Variants in ANKFN1 observed in about 807,000 individuals in gnomAD.
ANKFN1 encodes ankyrin repeat and fibronectin type-III domain-containing protein 1.
ANKFN1 carries 74 observed loss-of-function variants against 108.7 expected under a neutral mutation model. That is an observed-to-expected ratio of 0.68 (90% confidence interval 0.56 to 0.83). The LOEUF (loss-of-function observed/expected upper bound fraction) is 0.83, where lower values mean the gene tolerates loss of function less well. Among genes scored for constraint, ANKFN1 ranks in the 40% least tolerant of loss-of-function variants. The pLI, the probability that ANKFN1 is intolerant of heterozygous loss-of-function variation, is 0.00. For missense variants in ANKFN1, 1,505 were observed against 1,382.3 expected, an observed-to-expected ratio of 1.09 and a Z score of -1.41; for synonymous variants, 547 against 516.2, an observed-to-expected ratio of 1.06 and a Z score of -0.81.
chr17:56,203,932 A>G (rs1299200693), intron 1 of ANKFN1, among the ~76,000 whole-genome samples: 2 of 152,230 alleles, frequency 1.3e-5, no homozygotes, highest in African/African-American at 4.8e-5. Flanking sequence ...GAAGAGGGGC[A>G]AGAAATGGGC....
In ANKFN1 at chr17:56,313,267, G is replaced by A. The variant is rs540542696; in HGVS notation, c.54-12954G>A. 1.3e-4 allele frequency among the ~76,000 whole-genome samples: 20 copies of A among 152,240 alleles called. No individual in the cohort carries two copies. In the East Asian group the frequency reaches 3.9e-3, roughly 29 times the overall value. On this transcript the variant is annotated intron_variant, in intron 3 of 20. Transcript: ENST00000682825. ...TAAGCCAAGACCTGAGAGATGAAAGGGAGCCAGTCCCATGAAACAGGGACA... is the reference window on the plus strand; with the variant it reads ...TAAGCCAAGACCTGAGAGATGAAAGAGAGCCAGTCCCATGAAACAGGGACA...
chr17:56,302,143 C>A (rs532871159), intron 3 of ANKFN1, among the ~76,000 whole-genome samples: 13 of 152,100 alleles, frequency 8.5e-5, no homozygotes, highest in Non-Finnish European at 1.6e-4. Flanking sequence ...CTGGGGAGAC[C>A]AAGTAACTTG....
intron 8 of ANKFN1, among the ~76,000 whole-genome samples, chr17:56,399,609 A>G (rs2047689228): frequency 6.6e-6 from 1 of 151,740 alleles, no homozygotes; most frequent in Non-Finnish European, 1.5e-5. Context: ...CATATTTGTA[A>G]TCTCTTGTCC....
At chr17:56,169,551 G>T (rs948455660) in intron 1 of ANKFN1, among the ~76,000 whole-genome samples, 2 of 152,168 alleles carry the variant, frequency 1.3e-5, no homozygotes, top group African/African-American at 2.4e-5. Context: ...TTATAGGCAT[G>T]AGCAACGAAG....
intron 5 of ANKFN1, among the ~76,000 whole-genome samples, chr17:56,351,840 C>T (rs554876872): frequency 1.3e-5 from 2 of 152,252 alleles, no homozygotes; most frequent in South Asian, 2.1e-4. Flanking sequence ...GGGATTTTTG[C>T]AGGGAGTAAT....
chr17:56,401,225 G>A (rs2047751963), intron 8 of ANKFN1, among the ~76,000 whole-genome samples: 1 of 152,036 alleles, frequency 6.6e-6, no homozygotes, highest in Non-Finnish European at 1.5e-5. Context: ...ATGAGCATGG[G>A]ATGTGTTTTC....
intron 4 of ANKFN1, among the ~76,000 whole-genome samples, chr17:56,135,880 A>C (rs1317852369): frequency 1.3e-5 from 2 of 152,222 alleles, no homozygotes; most frequent in Admixed American, 6.5e-5. Flanking sequence ...TAAGCAACCA[A>C]GTAGAAAAAG....
At chr17:56,196,668 G>C (rs1036273864) in intron 1 of ANKFN1, among the ~76,000 whole-genome samples, 1 of 152,188 alleles carries the variant, frequency 6.6e-6, no homozygotes, top group Admixed American at 6.5e-5. Context: ...CTGAGGCCAG[G>C]AGTTTGAGGT....
chr17:56,368,466 G>A (rs1048487738), intron 6 of ANKFN1, among the ~76,000 whole-genome samples: 4 of 151,448 alleles, frequency 2.6e-5, no homozygotes, highest in South Asian at 2.1e-4. Flanking sequence ...TTTTAGTAGA[G>A]ACAGGGTTTC....
intron 4 of ANKFN1, among the ~76,000 whole-genome samples, chr17:56,338,703 T>G (rs1289461160): frequency 2.0e-5 from 3 of 152,012 alleles, no homozygotes; most frequent in Non-Finnish European, 2.9e-5. Flanking sequence ...TTCAAGATAC[T>G]CTTATGGATG....
intron 4 of ANKFN1, among the ~76,000 whole-genome samples, chr17:56,144,822 C>T (rs1355801178): frequency 1.3e-5 from 2 of 152,182 alleles, no homozygotes; most frequent in Non-Finnish European, 2.9e-5. Flanking sequence ...CTGAAGCAGA[C>T]CCAGGGACCA....
intron 8 of ANKFN1, among the ~76,000 whole-genome samples, chr17:56,425,180 C>T (rs2048522654): frequency 6.6e-6 from 1 of 150,588 alleles, no homozygotes; most frequent in African/African-American, 2.4e-5. Flanking sequence ...CCTATGAGAG[C>T]TTGTGATGCT....
At chr17:56,107,055 G>A (rs1034472872) in intron 4 of ANKFN1, among the ~76,000 whole-genome samples, 2 of 152,110 alleles carry the variant, frequency 1.3e-5, no homozygotes, top group Non-Finnish European at 2.9e-5. Context: ...GGGGCAAAGT[G>A]CTCCATTTCT....
chr17:56,512,540 A>C lies in ANKFN1; in HGVS notation c.*1271A>C, dbSNP rs1194217272. ...TATCTGAATTTCTCACAGGAATCCA[A>C]ATTAGACAAATCACACTGCATATTC... On this transcript the variant is annotated 3_prime_UTR_variant, in exon 21 of 21. Transcript: ENST00000682825. Among the ~76,000 whole-genome samples, 1 of 152,220 alleles carries C rather than the reference A, an allele frequency of 6.6e-6. No individual in the cohort carries two copies. Among genetic ancestry groups the C allele is most frequent in the Non-Finnish European group, 1.5e-5 (1 of 68,042 alleles).
At chr17:56,264,675 T>G (rs2043604363) in intron 3 of ANKFN1, among the ~76,000 whole-genome samples, 1 of 152,176 alleles carries the variant, frequency 6.6e-6, no homozygotes, top group Non-Finnish European at 1.5e-5. Flanking sequence ...GCACTGACCT[T>G]GGGTTCTACA....
intron 16 of ANKFN1, 126 bp downstream of exon 16, chr17:56,477,780 GC>G: frequency 1.0e-6 from 1 of 986,674 alleles, no homozygotes; most frequent in Non-Finnish European, 1.5e-6. Context: ...GTCCTCAGAT[GC>G]CACACTGAAG....
At chr17:56,498,837 A>G in intron 19 of ANKFN1, 45 bp from the exon 20 acceptor site, 1 of 1,469,218 alleles carries the variant, frequency 6.8e-7, no homozygotes. Flanking sequence ...TTCCTTTTTA[A>G]TCACTGCTTG....
chr17:56,253,029 T>A (rs944495505), intron 3 of ANKFN1, among the ~76,000 whole-genome samples: 15 of 152,288 alleles, frequency 9.8e-5, no homozygotes. Context: ...TGTCACTGCA[T>A]CCAACCTGGG....
chr17:56,499,129 T>C, intron 20 of ANKFN1, 31 bp downstream of exon 20: 1 of 1,528,592 alleles, frequency 6.5e-7, no homozygotes, highest in Non-Finnish European at 8.8e-7. Flanking sequence ...TTCTGTTGTT[T>C]AGTCCCTGGA....
Sources: gnomAD v4.1 joint callset for allele counts (sites outside exome capture counted in the v4.1 genomes callset) on GRCh38, gnomAD v4.1.1 for gene constraint, MANE v1.5 for transcripts, NCBI Gene and HGNC (gene_info 2026-07-23, HGNC 2026-07-21) for gene names.